Variants in ADD3 observed in about 807,000 individuals in gnomAD.
ADD3 encodes adducin 3, also known as gamma-adducin.
ADD3 carries 25 observed loss-of-function variants against 80.2 expected under a neutral mutation model. The ratio of observed to expected loss-of-function variants is 0.31; its 90% CI spans 0.23 to 0.44. The LOEUF (loss-of-function observed/expected upper bound fraction) is 0.44, where lower values mean the gene tolerates loss of function less well. ADD3 is among the 20% of genes least tolerant of loss of function. The probability of loss-of-function intolerance (pLI) is 1.00; values close to 1 mark genes in which losing one functional copy is unlikely to be tolerated. For missense variants in ADD3, 829 were observed against 847.5 expected (o/e 0.98, Z 0.27); for synonymous variants, 284 against 289.6 (o/e 0.98, Z 0.20).
intron 2 of ADD3, among the ~76,000 whole-genome samples, chr10:110,102,600 C>G (rs1848950958): frequency 1.3e-5 from 2 of 152,048 alleles, no homozygotes; most frequent in South Asian, 4.1e-4. Flanking sequence ...GGGCAAGACC[C>G]TGTCTCAAAA....
intron 1 of ADD3, among the ~76,000 whole-genome samples, chr10:110,025,455 A>G (rs1183008967): frequency 1.3e-5 from 2 of 152,170 alleles, no homozygotes; most frequent in Non-Finnish European, 2.9e-5. Flanking sequence ...AGTTAATAGA[A>G]GTAAGGGGTC....
chr10:110,069,867 T>C (rs1844456435), intron 1 of ADD3, among the ~76,000 whole-genome samples: 1 of 152,192 alleles, frequency 6.6e-6, no homozygotes, highest in Non-Finnish European at 1.5e-5. Context: ...GCAAGTCAGA[T>C]TAGAGTGAAA....
chr10:110,102,301 C>T (rs1329578392), intron 2 of ADD3, among the ~76,000 whole-genome samples: 3 of 152,030 alleles, frequency 2.0e-5, no homozygotes, highest in Non-Finnish European at 4.4e-5. Flanking sequence ...AAAGAAACCC[C>T]ATTTTTAAGA....
intron 1 of ADD3, among the ~76,000 whole-genome samples, chr10:110,070,943 GTTTTT>G (rs11340876): frequency 9.7e-6 from 1 of 103,406 alleles, no homozygotes; most frequent in African/African-American, 4.2e-5. Flanking sequence ...CATCATGTGG[GTTTTT>G]TTTTTTGTTT....
intron 1 of ADD3, among the ~76,000 whole-genome samples, chr10:110,079,681 G>A (rs1031357296): frequency 6.6e-6 from 1 of 151,550 alleles, no homozygotes; most frequent in South Asian, 2.1e-4. Flanking sequence ...TTAGCCTCCC[G>A]AGTAGCTGGG....
chr10:110,041,990 C>CGAG (rs1367678213), intron 1 of ADD3, among the ~76,000 whole-genome samples: 2 of 152,082 alleles, frequency 1.3e-5, no homozygotes, highest in African/African-American at 2.4e-5. Flanking sequence ...AAGTTGGTAG[C>CGAG]GTCTCTTGGG....
chr10:110,096,567 C>G (rs959548747), intron 1 of ADD3, among the ~76,000 whole-genome samples: 1 of 152,154 alleles, frequency 6.6e-6, no homozygotes. Context: ...TTTACCTGGA[C>G]TCATTCATGT....
chr10:110,112,814 A>T lies in ADD3; in HGVS notation c.233A>T (p.Gln78Leu). 1 of 1,614,126 alleles carries T rather than the reference A, an allele frequency of 6.2e-7. No individual in the cohort carries two copies. The highest frequency in any genetic ancestry group is 8.5e-7 in the Non-Finnish European group (1 of 1,179,982). The change falls in exon 3 of 15, where the codon CAG becomes CTG. Residue 78 changes from glutamine to leucine, a missense_variant. Physicochemically the swap from Gln to Leu is moderately radical, Grantham distance 113. Coordinates refer to ENST00000356080, the MANE Select transcript of ADD3 (RefSeq NM_016824.5). Reference protein sequence around the residue: ...REDLECLIQEQMKKGHNPTGL... With the variant: ...REDLECLIQELMKKGHNPTGL... The stretch of plus-strand genomic sequence containing the variant: ...GACTTGGAATGCCTTATTCAAGAAC[A>T]GATGAAGAAAGGCCACAACCCAACT...
intron 8 of ADD3, among the ~76,000 whole-genome samples, chr10:110,121,693 A>G (rs1400599123): frequency 6.6e-6 from 1 of 152,278 alleles, no homozygotes; most frequent in African/African-American, 2.4e-5. Context: ...TTAAATTAAG[A>G]TAATGAGCTG....
At chr10:110,125,650 G>C in intron 10 of ADD3, 176 bp from the exon 11 acceptor site, 1 of 392,952 alleles carries the variant, frequency 2.5e-6, no homozygotes, top group Non-Finnish European at 4.5e-6. Flanking sequence ...AGTAAATGTT[G>C]ATTTTGAGCC....
At chr10:110,116,212 A>G in intron 3 of ADD3, 47 bp from the exon 4 acceptor site, 1 of 1,598,382 alleles carries the variant, frequency 6.3e-7, no homozygotes, top group Non-Finnish European at 8.5e-7. Flanking sequence ...TTTCCAGGTA[A>G]GGGATTGCAT....
chr10:110,016,937 A>G (rs1853073259), intron 1 of ADD3, among the ~76,000 whole-genome samples: 1 of 152,182 alleles, frequency 6.6e-6, no homozygotes, highest in Non-Finnish European at 1.5e-5. Flanking sequence ...ATGAATTGAA[A>G]GGAAGCTTTG....
chr10:110,044,343 AGAC>A (rs1317132664), intron 1 of ADD3, among the ~76,000 whole-genome samples: 1 of 152,206 alleles, frequency 6.6e-6, no homozygotes, highest in Admixed American at 6.5e-5. Context: ...CTGGCCTATT[AGAC>A]CATTGGCTCC....
chr10:110,010,208 G>A (rs1405658282), intron 1 of ADD3, among the ~76,000 whole-genome samples: 3 of 152,104 alleles, frequency 2.0e-5, no homozygotes, highest in Admixed American at 2.0e-4. Context: ...ATACAGGGTG[G>A]TGCCCAACTT....
intron 1 of ADD3, among the ~76,000 whole-genome samples, chr10:110,021,900 GA>G (rs1178065038): frequency 2.0e-5 from 3 of 152,030 alleles, no homozygotes; most frequent in East Asian, 1.9e-4. Flanking sequence ...AAAATACCAG[GA>G]AAAAAAATCT....
At chr10:110,023,813 T>C (rs1019509962) in intron 1 of ADD3, among the ~76,000 whole-genome samples, 4 of 152,250 alleles carry the variant, frequency 2.6e-5, no homozygotes, top group Non-Finnish European at 4.4e-5. Context: ...GGCTAAAGAA[T>C]AGTCTTTTTG....
At position 110,132,260 on chromosome 10, in the gene ADD3, T is replaced by A. The variant is rs140159690; in HGVS notation, c.1733-45T>A. ...TAACCTCCCTAAAATCATATGCTGCTTTGTTTTGTTTTGCATGGCTTTTAA... is the reference window on the plus strand; with the variant it reads ...TAACCTCCCTAAAATCATATGCTGCATTGTTTTGTTTTGCATGGCTTTTAA... On this transcript the variant is annotated intron_variant, in intron 13 of 14. Transcript: ENST00000356080. 1.8e-5 allele frequency: 25 copies of A among 1,394,544 alleles called. No individual in the cohort carries two copies. The African/African-American group carries it at 3.0e-4, about 17-fold the overall frequency. 86.4% of individuals were successfully genotyped at this position (1,394,544 alleles called of 1,614,324 possible).
At chr10:110,129,405 T>C (rs1407267324) in intron 12 of ADD3, among the ~76,000 whole-genome samples, 2 of 152,142 alleles carry the variant, frequency 1.3e-5, no homozygotes, top group Non-Finnish European at 2.9e-5. Flanking sequence ...CGCCTTGGCC[T>C]TCCAAAGTGC....
chr10:110,129,202 C>G (rs1348467514), intron 12 of ADD3, among the ~76,000 whole-genome samples: 5 of 147,212 alleles, frequency 3.4e-5, no homozygotes, highest in Non-Finnish European at 7.5e-5. Flanking sequence ...CAGGCTGGAG[C>G]GCAATGGCGT....
Sources: allele counts gnomAD v4.1 joint callset (sites outside exome capture counted in the v4.1 genomes callset), GRCh38; gene constraint gnomAD v4.1.1; transcripts MANE v1.5; gene names NCBI Gene and HGNC (gene_info 2026-07-23, HGNC 2026-07-21).